CTNNA2: variants seen among roughly 807,000 people sequenced by gnomAD.
CTNNA2 encodes the protein catenin alpha 2, also known as catenin alpha-2.
Under a neutral mutation model 101.0 loss-of-function variants are expected in CTNNA2, and 42 were observed. That is an observed-to-expected ratio of 0.42 (90% CI 0.32 to 0.54). The LOEUF (loss-of-function observed/expected upper bound fraction) is 0.54. CTNNA2 is among the 20% of genes least tolerant of loss of function. CTNNA2 has a pLI of 0.14. For synonymous variants in CTNNA2, 450 were observed against 456.4 expected (o/e 0.99, Z 0.18); for missense variants, 871 against 1,223.1 (o/e 0.71, Z 4.29).
intron 1 of CTNNA2, chr2:79,523,151 T>G (rs1390950613): frequency 3.6e-5 from 13 of 358,170 alleles, no homozygotes; most frequent in Non-Finnish European, 7.2e-5. Flanking sequence ...CATTAGTTTT[T>G]GTGTAACATT....
At chr2:80,643,759 C>T (rs764651076) in intron 18 of CTNNA2, among the ~76,000 whole-genome samples, 4 of 152,034 alleles carry the variant, frequency 2.6e-5, no homozygotes, top group East Asian at 1.9e-4. Flanking sequence ...GGAGCAAATC[C>T]AAGACAAATT....
rs573871087 is a variant in CTNNA2 at position 80,187,817 on chromosome 2, CTAAA to C, written c.1057-205393_1057-205390del. ...TCTACATCTCTGAGAAATTTAAACA[CTAAA>C]AAAAAAAAAAATGCTTTTTTCTATC... is the stretch of plus-strand genomic sequence containing the variant. On this transcript the variant is annotated intron_variant, in intron 7 of 18. Coordinates refer to ENST00000402739, the MANE Select transcript of CTNNA2 (RefSeq NM_001282597.3). 3.4e-5 allele frequency among the ~76,000 whole-genome samples: 5 copies of C among 148,750 alleles called. No homozygotes were observed. In the South Asian group the frequency reaches 1.1e-3, roughly 31 times the overall value.
intron 7 of CTNNA2, among the ~76,000 whole-genome samples, chr2:80,198,519 T>G (rs1003025257): frequency 6.6e-6 from 1 of 152,206 alleles, no homozygotes; most frequent in African/African-American, 2.4e-5. Flanking sequence ...ACCATAATAT[T>G]CACCTCTCTT....
chr2:80,232,588 G>T (rs923321200), intron 7 of CTNNA2, among the ~76,000 whole-genome samples: 2 of 151,936 alleles, frequency 1.3e-5, no homozygotes, highest in Non-Finnish European at 2.9e-5. Context: ...TGGAATGTTG[G>T]ATGGATTGCA....
intron 4 of CTNNA2, among the ~76,000 whole-genome samples, chr2:79,868,327 A>T (rs185004632): frequency 5.3e-5 from 8 of 152,292 alleles, no homozygotes; most frequent in South Asian, 2.1e-4. Context: ...AACCCCTGCC[A>T]CCAGTATCAT....
chr2:79,721,917 A>G (rs1686514796), intron 2 of CTNNA2, among the ~76,000 whole-genome samples: 1 of 152,220 alleles, frequency 6.6e-6, no homozygotes, highest in African/African-American at 2.4e-5. Context: ...TGTTTTTACA[A>G]TAATAGAATA....
At chr2:79,862,051 G>T (rs769778272) in intron 4 of CTNNA2, among the ~76,000 whole-genome samples, 3 of 152,226 alleles carry the variant, frequency 2.0e-5, no homozygotes, top group African/African-American at 7.2e-5. Flanking sequence ...TATTCCCTAG[G>T]CTCTGAACTA....
chr2:79,780,759 G>C (rs1177238036), intron 3 of CTNNA2, among the ~76,000 whole-genome samples: 2 of 152,152 alleles, frequency 1.3e-5, no homozygotes, highest in Non-Finnish European at 2.9e-5. Flanking sequence ...TTACTGTTTA[G>C]AAGTGTCTTT....
At position 79,595,240 on chromosome 2, in the gene CTNNA2, A is replaced by G. The variant is rs532397688; in HGVS notation, c.-5-56312A>G. On this transcript the variant is annotated intron_variant, in intron 1 of 18. Coordinates refer to ENST00000402739, the MANE Select transcript of CTNNA2 (RefSeq NM_001282597.3). ...GGTCTTCATTCTATTTCCTAAATAT[A>G]TGCTTTCCTCCAGGTCCCATTTTTC... Among the ~76,000 whole-genome samples the G allele has an allele frequency of 3.3e-5, 5 of 152,208 alleles. No individual in the cohort carries two copies. The East Asian group carries it at 9.6e-4, about 29-fold the overall frequency.
chr2:79,567,951 C>T (rs999734116), intron 1 of CTNNA2, among the ~76,000 whole-genome samples: 1 of 152,124 alleles, frequency 6.6e-6, no homozygotes, highest in African/African-American at 2.4e-5. Flanking sequence ...AGAATGCCTG[C>T]AGACTTGGCA....
intron 3 of CTNNA2, among the ~76,000 whole-genome samples, chr2:79,349,442 T>C (rs1300991580): frequency 6.6e-6 from 1 of 152,126 alleles, no homozygotes; most frequent in Non-Finnish European, 1.5e-5. Flanking sequence ...TTGCCCCAAG[T>C]GATTCTGATT....
intron 7 of CTNNA2, among the ~76,000 whole-genome samples, chr2:80,161,415 A>G (rs1704311036): frequency 6.6e-6 from 1 of 152,162 alleles, no homozygotes; most frequent in African/African-American, 2.4e-5. Flanking sequence ...TTTTCAACAA[A>G]TGAACTTTTA....
intron 7 of CTNNA2, among the ~76,000 whole-genome samples, chr2:80,390,961 C>T (rs573989674): frequency 6.6e-6 from 1 of 151,910 alleles, no homozygotes; most frequent in East Asian, 1.9e-4. Context: ...GAAATCCTGT[C>T]TCTACTAAAA....
chr2:80,096,387 G>T (rs999255323), intron 7 of CTNNA2, among the ~76,000 whole-genome samples: 2 of 152,112 alleles, frequency 1.3e-5, no homozygotes, highest in African/African-American at 2.4e-5. Flanking sequence ...TATAATTTCT[G>T]TTCTTTTACA....
chr2:79,994,429 A>G (rs17018380), intron 7 of CTNNA2, among the ~76,000 whole-genome samples: 26,392 of 151,956 alleles, frequency 0.17, 2,558 homozygotes, highest in East Asian at 0.3. Context: ...ACATTCTTGT[A>G]CACCCTATCA....
chr2:80,571,329 G>A (rs564734196), intron 12 of CTNNA2, among the ~76,000 whole-genome samples: 7 of 152,130 alleles, frequency 4.6e-5, no homozygotes, highest in Admixed American at 1.3e-4. Context: ...TGTTCAGATC[G>A]GTTTCTATCA....
intron 4 of CTNNA2, among the ~76,000 whole-genome samples, chr2:79,429,156 C>T (rs573733082): frequency 6.6e-6 from 1 of 152,206 alleles, no homozygotes; most frequent in South Asian, 2.1e-4. Context: ...CATTTTAAGA[C>T]ATCAAAGAAT....
At chr2:79,210,088 T>TTTTGTGTGTGTGTGTGTG (rs112984318) in intron 2 of CTNNA2, among the ~76,000 whole-genome samples, 122 of 144,878 alleles carry the variant, frequency 8.4e-4, no homozygotes, top group Middle Eastern at 3.5e-3. Context: ...TCAAGCTATA[T>TTTTGTGTGTGTGTGTGTG]TGTGTGTGTG....
chr2:80,062,836 G>C (rs1697697153), intron 7 of CTNNA2, among the ~76,000 whole-genome samples: 1 of 151,658 alleles, frequency 6.6e-6, no homozygotes, highest in African/African-American at 2.4e-5. Flanking sequence ...CTCCCGAGTA[G>C]CTGGGACTAC....
Sources: allele counts gnomAD v4.1 joint callset (sites outside exome capture counted in the v4.1 genomes callset), GRCh38; gene constraint gnomAD v4.1.1; transcripts MANE v1.5; gene names NCBI Gene and HGNC (gene_info 2026-07-23, HGNC 2026-07-21).